The following GALNT14 variants were observed in gnomAD, a reference collection of about 807,000 sequenced individuals.
The protein encoded by GALNT14 is polypeptide N-acetylgalactosaminyltransferase 14, also known as UDP-GalNAc:polypeptide N-acetylgalactosaminyltransferase 14.
A neutral mutation model predicts 77.5 loss-of-function variants in GALNT14; 60 were observed. That is an observed-to-expected ratio of 0.77 (90% CI 0.63 to 0.96). GALNT14 has a LOEUF of 0.96. Ranked by LOEUF, GALNT14 falls within the 40% of genes least tolerant of loss-of-function variation. The pLI, the probability that GALNT14 is intolerant of heterozygous loss-of-function variation, is 0.00. For synonymous variants in GALNT14, 280 were observed against 281.7 expected (o/e 0.99, Z 0.06); for missense variants, 710 against 731.0 (o/e 0.97, Z 0.33).
intron 2 of GALNT14, among the ~76,000 whole-genome samples, chr2:30,979,132 G>A (rs917971862): frequency 9.2e-5 from 14 of 152,358 alleles, no homozygotes; most frequent in African/African-American, 3.1e-4. Flanking sequence ...AAGAGTTTCA[G>A]GTGAGGAGTG....
chr2:30,964,288 C>A (rs1667866823), intron 3 of GALNT14, among the ~76,000 whole-genome samples: 1 of 152,184 alleles, frequency 6.6e-6, no homozygotes, highest in African/African-American at 2.4e-5. Flanking sequence ...CCATGAACCC[C>A]CCCTGGTGCC....
intron 3 of GALNT14, among the ~76,000 whole-genome samples, chr2:30,960,467 T>C (rs1667623497): frequency 6.6e-6 from 1 of 151,818 alleles, no homozygotes; most frequent in Non-Finnish European, 1.5e-5. Context: ...GAATAAAAAA[T>C]GTCCAGGGTT....
chr2:31,010,561 G>A (rs1558490070), intron 1 of GALNT14, among the ~76,000 whole-genome samples: 1 of 152,232 alleles, frequency 6.6e-6, no homozygotes, highest in Non-Finnish European at 1.5e-5. Context: ...CTTGCAGTGA[G>A]CCGGGATTGC....
chr2:31,121,294 C>T (rs574461916), intron 1 of GALNT14, among the ~76,000 whole-genome samples: 4 of 152,144 alleles, frequency 2.6e-5, no homozygotes, highest in African/African-American at 7.2e-5. Context: ...AACAGGTGGT[C>T]GAGAAAAGCC....
At chr2:31,027,800 A>G (rs913766086) in intron 1 of GALNT14, among the ~76,000 whole-genome samples, 3 of 152,178 alleles carry the variant, frequency 2.0e-5, no homozygotes, top group African/African-American at 7.2e-5. Flanking sequence ...GCAACTCTAT[A>G]AAAACAATAG....
the GALNT14 span, among the ~76,000 whole-genome samples, chr2:30,902,999 T>C: frequency 2.0e-5 from 3 of 152,190 alleles, no homozygotes; most frequent in Admixed American, 6.5e-5. Flanking sequence ...CTTCTATAGA[T>C]GGCTTGATTT....
intron 2 of GALNT14, among the ~76,000 whole-genome samples, chr2:30,984,486 G>A (rs935353559): frequency 6.6e-6 from 1 of 152,088 alleles, no homozygotes; most frequent in Non-Finnish European, 1.5e-5. Context: ...AGCATTCCAG[G>A]GTTTACTGAA....
intron 2 of GALNT14, among the ~76,000 whole-genome samples, chr2:30,977,290 C>T (rs1200022755): frequency 6.6e-6 from 1 of 152,106 alleles, no homozygotes; most frequent in East Asian, 1.9e-4. Flanking sequence ...AGGGTTTCAC[C>T]ATGTTGGCCA....
intron 2 of GALNT14, among the ~76,000 whole-genome samples, chr2:30,970,877 A>T (rs956573476): frequency 6.6e-6 from 1 of 152,132 alleles, no homozygotes; most frequent in Non-Finnish European, 1.5e-5. Flanking sequence ...GGTGACCCTC[A>T]CAACCGCCCC....
intron 1 of GALNT14, among the ~76,000 whole-genome samples, chr2:31,095,200 G>C (rs1676940175): frequency 6.6e-6 from 1 of 152,158 alleles, no homozygotes; most frequent in African/African-American, 2.4e-5. Flanking sequence ...GAGATTTGTT[G>C]TTGGATATCT....
chr2:31,016,391 G>GA (rs1671362066), intron 1 of GALNT14, among the ~76,000 whole-genome samples: 2 of 152,220 alleles, frequency 1.3e-5, no homozygotes, highest in South Asian at 4.2e-4. Flanking sequence ...GAGCTCCAAC[G>GA]TATGAATGGT....
At chr2:30,996,664 G>A (rs111304526) in intron 1 of GALNT14, among the ~76,000 whole-genome samples, 95 of 152,374 alleles carry the variant, frequency 6.2e-4, no homozygotes, top group African/African-American at 2.0e-3. Context: ...TGGCTACAGT[G>A]CCTTCTGGGA....
intron 1 of GALNT14, among the ~76,000 whole-genome samples, chr2:31,096,098 C>T (rs762037127): frequency 5.9e-5 from 9 of 152,112 alleles, no homozygotes; most frequent in Non-Finnish European, 8.8e-5. Flanking sequence ...AACAATGGAT[C>T]GAGTCACTCT....
intron 1 of GALNT14, among the ~76,000 whole-genome samples, chr2:31,131,088 A>G (rs143315973): frequency 0.01 from 1,525 of 152,270 alleles, 25 homozygotes; most frequent in African/African-American, 0.035. Flanking sequence ...TTTCACAGTC[A>G]AGGAGACTGA....
intron 1 of GALNT14, among the ~76,000 whole-genome samples, chr2:31,026,445 C>G (rs1005200547): frequency 6.6e-6 from 1 of 152,214 alleles, no homozygotes; most frequent in African/African-American, 2.4e-5. Context: ...TCTTCTCTCC[C>G]CAGACGGACA....
chr2:31,100,884 T>C (rs1677236782), intron 1 of GALNT14, among the ~76,000 whole-genome samples: 2 of 152,084 alleles, frequency 1.3e-5, no homozygotes, highest in Non-Finnish European at 2.9e-5. Flanking sequence ...CATTAGCGTA[T>C]GATTAGGCAA....
the GALNT14 span, among the ~76,000 whole-genome samples, chr2:30,905,112 A>G: frequency 6.6e-6 from 1 of 152,230 alleles, no homozygotes; most frequent in Non-Finnish European, 1.5e-5. Flanking sequence ...AGATGGGGAA[A>G]AAACAGAACA....
chr2:30,986,894 G>C (rs1427834147), intron 2 of GALNT14: 1 of 152,210 alleles, frequency 6.6e-6, no homozygotes, highest in African/African-American at 2.4e-5. Context: ...GGGGAAGTTG[G>C]AGCTAGGATG....
At chr2:30,951,174 T>C (rs1384621551) in intron 6 of GALNT14, among the ~76,000 whole-genome samples, 11 of 152,218 alleles carry the variant, frequency 7.2e-5, no homozygotes, top group Admixed American at 3.3e-4. Context: ...TGTTCATCAA[T>C]GGTTGGATGG....
Sources: gnomAD v4.1 joint callset for allele counts (sites outside exome capture counted in the v4.1 genomes callset) on GRCh38, gnomAD v4.1.1 for gene constraint, MANE v1.5 for transcripts, NCBI Gene and HGNC (gene_info 2026-07-23, HGNC 2026-07-21) for gene names.